KDM2B: variants seen among roughly 807,000 people sequenced by gnomAD.
KDM2B encodes lysine-specific demethylase 2B.
A neutral mutation model predicts 150.0 loss-of-function variants in KDM2B; 26 were observed. That is an observed-to-expected ratio of 0.17 (90% CI 0.13 to 0.24). KDM2B has a LOEUF of 0.24. KDM2B is among the 10% of genes least tolerant of loss of function. KDM2B has a pLI of 1.00. For missense variants in KDM2B, 1,265 were observed against 1,816.9 expected, an observed-to-expected ratio of 0.70 and a Z score of 5.52; for synonymous variants, 734 against 729.5, an observed-to-expected ratio of 1.01 and a Z score of -0.10.
At chr12:121,489,954 C>G (rs972952253) in intron 12 of KDM2B, among the ~76,000 whole-genome samples, 1 of 152,176 alleles carries the variant, frequency 6.6e-6, no homozygotes, top group East Asian at 1.9e-4. Flanking sequence ...GCCATTATTG[C>G]CAGCCTCCTC....
At chr12:121,565,295 T>A (rs1182419589) in intron 4 of KDM2B, among the ~76,000 whole-genome samples, 2 of 151,900 alleles carry the variant, frequency 1.3e-5, no homozygotes, top group Non-Finnish European at 2.9e-5. Context: ...AAAACAAGAT[T>A]TCATTGCCAA....
intron 9 of KDM2B, chr12:121,516,717 C>T (rs1305313277): frequency 4.8e-6 from 3 of 630,896 alleles, no homozygotes; most frequent in East Asian, 2.7e-5. Context: ...AGCCCTTCCT[C>T]GGAGGTCCAA....
chr12:121,420,813 T>A, the KDM2B span: 1 of 1,535,658 alleles, frequency 6.5e-7, no homozygotes, highest in Non-Finnish European at 9.0e-7. Context: ...CCTGTAGTAT[T>A]TTTCCTTAGG....
chr12:121,433,325 T>TGCCC lies in KDM2B; in HGVS notation c.3830-2860_3830-2857dup, dbSNP rs1200323521. ...TTCCTGCTGGCGCGTGGGGCCCGCC[T>TGCCC]GCCCGCCCGCCAGCCTGTGGAGGAA... On this transcript the variant is annotated intron_variant, in intron 22 of 22. Coordinates refer to ENST00000377071, the MANE Select transcript of KDM2B (RefSeq NM_032590.5). The TGCCC allele has an allele frequency of 3.3e-5, 13 of 392,244 alleles. No individual in the cohort carries two copies. The East Asian group carries it at 6.7e-4, about 20-fold the overall frequency. 24.3% of individuals were successfully genotyped at this position (392,244 alleles called of 1,614,324 possible).
rs578154072 is a variant in KDM2B, at chr12:121,438,862, CTCTT to C, written c.3829+991_3829+994del. Among the ~76,000 whole-genome samples the C allele has an allele frequency of 3.1e-4, 46 of 150,520 alleles. No homozygotes were observed. The East Asian group carries it at 7.5e-3, about 24-fold the overall frequency. The stretch of plus-strand genomic sequence containing the variant: ...AAAAAAAAACCTGTAGTTTCTTTTT[CTCTT>C]TCTTTTTTTGCTCTCACGCAAACCC... On this transcript the variant is annotated intron_variant, in intron 22 of 22. Coordinates refer to ENST00000377071, the MANE Select transcript of KDM2B (RefSeq NM_032590.5).
chr12:121,480,940 T>G (rs1222087123), intron 12 of KDM2B, among the ~76,000 whole-genome samples: 1 of 150,814 alleles, frequency 6.6e-6, no homozygotes, highest in African/African-American at 2.4e-5. Flanking sequence ...TTGTTTTTTT[T>G]TTTTTGAGAT....
rs370633242 is a variant in KDM2B at position 121,520,932 on chromosome 12, G to A, written c.1047+53C>T. The A allele has an allele frequency of 4.4e-4, 593 of 1,348,790 alleles. 1 individual carries two copies. In the African/African-American group the frequency reaches 7.3e-3, roughly 17 times the overall value. The allele number at this position is 1,348,790 out of a possible 1,614,324, so 83.6% of individuals were successfully genotyped here. A position where few individuals can be genotyped will look rare whatever the true frequency, so the allele number is the denominator to read the frequency against. On this transcript the variant is annotated intron_variant, in intron 9 of 22. Transcript: ENST00000377071. The surrounding 1 kb of genome is among the most constrained non-coding windows in gnomAD (Gnocchi z 4.5). ...TGACCTGTCCCACACACCGAGCACCGGCAGAGCTCAGGGGCCAGGCGCGCA... is the reference window on the plus strand; with the variant it reads ...TGACCTGTCCCACACACCGAGCACCAGCAGAGCTCAGGGGCCAGGCGCGCA...
the KDM2B span, among the ~76,000 whole-genome samples, chr12:121,418,897 G>T: frequency 3.3e-3 from 502 of 152,234 alleles, 3 homozygotes; most frequent in African/African-American, 0.012. Context: ...AGTAAAGATG[G>T]GGTTTCACCA....
intron 4 of KDM2B, among the ~76,000 whole-genome samples, chr12:121,568,390 G>A (rs1890857886): frequency 6.6e-6 from 1 of 152,040 alleles, no homozygotes; most frequent in Admixed American, 6.6e-5. Flanking sequence ...AACCCAGGAG[G>A]CAGAGGTTGC....
At chr12:121,505,590 A>C (rs781954945) in intron 11 of KDM2B, among the ~76,000 whole-genome samples, 2 of 152,184 alleles carry the variant, frequency 1.3e-5, no homozygotes, top group Non-Finnish European at 2.9e-5. Context: ...ATGGGTTTTT[A>C]GTATAAGCCA....
chr12:121,519,195 C>G (rs1233943469), intron 9 of KDM2B, among the ~76,000 whole-genome samples: 1 of 152,252 alleles, frequency 6.6e-6, no homozygotes, highest in East Asian at 1.9e-4. Flanking sequence ...CATGGGCCCA[C>G]AATGCCGGGA....
chr12:121,442,565 T>G lies in KDM2B; in HGVS notation c.2876A>C (p.Gln959Pro). Residue 959 changes from glutamine to proline, a missense_variant, in exon 19 of 23, where the codon CAG becomes CCG. By Grantham distance (76) the Gln-to-Pro change is moderately conservative (BLOSUM62 -1). Around this residue, in one of 11 missense-constraint regions of KDM2B, gnomAD observed 418 missense variants for 402.4 expected, o/e 1.04. Transcript: ENST00000377071. This position sits in a 1 kb window ranked among gnomAD's most constrained non-coding sequence, Gnocchi z 7.7. ...ELSKELNHEI[Q>P]RTENSLANEN... The stretch of plus-strand genomic sequence containing the variant: ...GTTGGCCAGGCTGTTCTCCGTCCTC[T>G]GGATCTCGTGGTTGAGCTCCTTGCT... The G allele has an allele frequency of 6.2e-7, 1 of 1,600,674 alleles. No homozygotes were observed. The highest frequency in any genetic ancestry group is 1.1e-5 in the South Asian group (1 of 91,082).
At chr12:121,503,036 G>A (rs527421223) in intron 11 of KDM2B, among the ~76,000 whole-genome samples, 1 of 145,758 alleles carries the variant, frequency 6.9e-6, no homozygotes, top group Non-Finnish European at 1.5e-5. Flanking sequence ...AGGGTGCAAT[G>A]GCGCAATCTC....
chr12:121,431,879 C>CTTTTTTTT (rs77237915), intron 22 of KDM2B, among the ~76,000 whole-genome samples: 44 of 122,354 alleles, frequency 3.6e-4, no homozygotes, highest in Non-Finnish European at 4.6e-4. Context: ...TTTCTTTTTT[C>CTTTTTTTT]TTTTTTTTTT....
intron 14 of KDM2B, 96 bp from the exon 15 acceptor site, chr12:121,444,632 A>C (rs1593760105): frequency 2.0e-6 from 2 of 977,776 alleles, no homozygotes; most frequent in Non-Finnish European, 1.6e-6. Flanking sequence ...AAGCAGCAGC[A>C]CCCCCTCCCC....
At chr12:121,580,174 G>C (rs1555317700) in intron 1 of KDM2B, 2 of 1,302,814 alleles carry the variant, frequency 1.5e-6, no homozygotes, top group East Asian at 3.2e-5. Context: ...GCAAGCCAGA[G>C]CCGAGATCTA....
At chr12:121,482,084 C>T (rs78102049) in intron 12 of KDM2B, among the ~76,000 whole-genome samples, 1,639 of 151,714 alleles carry the variant, frequency 0.011, 30 homozygotes, top group African/African-American at 0.037. Flanking sequence ...CCCAGCCTAT[C>T]TTAGGCATTA....
intron 6 of KDM2B, among the ~76,000 whole-genome samples, chr12:121,545,311 A>G (rs1047136820): frequency 6.6e-6 from 1 of 152,080 alleles, no homozygotes; most frequent in Non-Finnish European, 1.5e-5. Flanking sequence ...CCGTAGCTCT[A>G]TTCGCCACAC....
the KDM2B span, among the ~76,000 whole-genome samples, chr12:121,421,371 T>TACAAAAAAAAAAAA: frequency 2.2e-5 from 1 of 46,368 alleles, no homozygotes; most frequent in African/African-American, 6.8e-5. Flanking sequence ...ATCCCATCTC[T>TACAAAAAAAAAAAA]AAAAAAAAAA....
Sources: gnomAD v4.1 joint callset for allele counts (sites outside exome capture counted in the v4.1 genomes callset) on GRCh38, gnomAD v4.1.1 for gene constraint, gnomAD v4.1.1 regional missense constraint, Gnocchi (gnomAD v3.1) non-coding constraint, MANE v1.5 for transcripts, NCBI Gene and HGNC (gene_info 2026-07-23, HGNC 2026-07-21) for gene names.